ASAP1: variants seen among roughly 807,000 people sequenced by gnomAD.
ASAP1 encodes arf-GAP with SH3 domain, ANK repeat and PH domain-containing protein 1.
In ASAP1, 43 loss-of-function variants were observed where a neutral mutation model predicts 145.2. That is an observed-to-expected ratio of 0.30 (90% CI 0.23 to 0.38). The LOEUF is 0.38. ASAP1 is among the 10% of genes least tolerant of loss of function. The pLI is 1.00. For missense variants in ASAP1, 1,018 were observed against 1,355.3 expected (o/e 0.75, Z 3.91); for synonymous variants, 546 against 515.5 (o/e 1.06, Z -0.80).
At chr8:130,253,895 C>T (rs1309923836) in intron 3 of ASAP1, among the ~76,000 whole-genome samples, 1 of 152,074 alleles carries the variant, frequency 6.6e-6, no homozygotes, top group Non-Finnish European at 1.5e-5. Context: ...GCGGTGGGAG[C>T]CTGTAATCCC....
intron 22 of ASAP1, among the ~76,000 whole-genome samples, chr8:130,116,299 A>C (rs75588039): frequency 0.027 from 4,165 of 152,328 alleles, 71 homozygotes; most frequent in African/African-American, 0.044. Flanking sequence ...ACAGTGTGTT[A>C]ACATTTTGAA....
intron 29 of ASAP1, among the ~76,000 whole-genome samples, 174 bp from the exon 30 acceptor site, chr8:130,054,979 A>G (rs1052309103): frequency 2.6e-5 from 4 of 152,278 alleles, no homozygotes; most frequent in African/African-American, 7.2e-5. Flanking sequence ...CATAAACTAC[A>G]TAAGGAAAGA....
In ASAP1 at chr8:130,236,940, T is replaced by C. The variant is rs1266908101; in HGVS notation, c.241A>G (p.Ile81Val). 5 of 1,602,220 alleles carry C rather than the reference T, an allele frequency of 3.1e-6. No individual in the cohort carries two copies. The Admixed American group carries it at 5.0e-5, about 16-fold the overall frequency. The part of the protein sequence containing the change: ...LQKVKKSVKA[I>V]YNSGQDHVQN... ...TGCTTACCTTGACCAGAATTATATA[T>C]TGCTTTTACAGACTTCTTCACTTTC... Residue 81 changes from isoleucine to valine, a missense_variant, in exon 4 of 30, where the codon ATA becomes GTA. Ile to Val is a conservative substitution (Grantham distance 29). Around this residue, in one of 9 missense-constraint regions of ASAP1, gnomAD observed 106 missense variants for 134.5 expected, o/e 0.79. Transcript: ENST00000518721.
chr8:130,300,149 C>CAG (rs1248977728), intron 3 of ASAP1, among the ~76,000 whole-genome samples: 43 of 88,708 alleles, frequency 4.8e-4, no homozygotes, highest in Middle Eastern at 5.6e-3. Flanking sequence ...CACACACACA[C>CAG]ACACAGAGAG....
intron 3 of ASAP1, among the ~76,000 whole-genome samples, chr8:130,246,594 C>A (rs1818870400): frequency 6.6e-6 from 1 of 152,160 alleles, no homozygotes; most frequent in Admixed American, 6.6e-5. Flanking sequence ...TGCCTTCTGC[C>A]ATGACAGTAA....
chr8:130,061,194 C>A (rs2097418840), intron 27 of ASAP1, 125 bp from the exon 28 acceptor site: 1 of 1,203,992 alleles, frequency 8.3e-7, no homozygotes, highest in Admixed American at 2.7e-5. Context: ...AATGGATGAA[C>A]TCAGGGGCCA....
rs923039368 is a variant in ASAP1 at position 130,318,785 on chromosome 8, G to A, written c.186+39232C>T. 9.9e-5 allele frequency among the ~76,000 whole-genome samples: 15 copies of A among 152,198 alleles called. No homozygotes were observed. The East Asian group carries it at 1.9e-3, about 20-fold the overall frequency. ...ATATAGACTAGACACTTAAAAAAGC[G>A]TTTCCCCTCATCTCAGAAATAAGAC... On this transcript the variant is annotated intron_variant, in intron 3 of 29. Coordinates refer to ENST00000518721, the MANE Select transcript of ASAP1 (RefSeq NM_018482.4).
At chr8:130,206,689 G>A (rs1190923087) in intron 5 of ASAP1, among the ~76,000 whole-genome samples, 5 of 152,134 alleles carry the variant, frequency 3.3e-5, no homozygotes, top group Non-Finnish European at 4.4e-5. Flanking sequence ...GAATACTTCC[G>A]GGTGACTCCC....
At chr8:130,321,731 ATC>A (rs1455389953) in intron 3 of ASAP1, among the ~76,000 whole-genome samples, 1 of 152,176 alleles carries the variant, frequency 6.6e-6, no homozygotes, top group Non-Finnish European at 1.5e-5. Flanking sequence ...CCCACTCAAA[ATC>A]TCTGAGTAAA....
chr8:130,078,601 A>C (rs1432189943), intron 26 of ASAP1, among the ~76,000 whole-genome samples: 1 of 152,076 alleles, frequency 6.6e-6, no homozygotes, highest in Non-Finnish European at 1.5e-5. Flanking sequence ...ACCTTTTATG[A>C]GTGCTTTTGG....
At chr8:130,107,723 AT>A (rs2097539897) in intron 24 of ASAP1, among the ~76,000 whole-genome samples, 1 of 151,440 alleles carries the variant, frequency 6.6e-6, no homozygotes, top group Non-Finnish European at 1.5e-5. Flanking sequence ...AATTCTGTGT[AT>A]TTTTAGTAGA....
chr8:130,219,400 C>A (rs1817150608), intron 4 of ASAP1, among the ~76,000 whole-genome samples: 1 of 152,144 alleles, frequency 6.6e-6, no homozygotes, highest in African/African-American at 2.4e-5. Flanking sequence ...GGGAGGAACA[C>A]ACTGCAGAGT....
chr8:130,399,973 C>T (rs948025752), intron 2 of ASAP1, among the ~76,000 whole-genome samples: 1 of 152,118 alleles, frequency 6.6e-6, no homozygotes, highest in African/African-American at 2.4e-5. Flanking sequence ...GCATGTGCCA[C>T]CATGCCCAGC....
In ASAP1 at chr8:130,052,514, C is replaced by G. The variant is rs1199114241; in HGVS notation, c.*2217G>C. ...TTAAGATCAAGATCAGACTTAAACT[C>G]AACAAGATCACCAAAGGTATTTCTA... On this transcript the variant is annotated 3_prime_UTR_variant, in exon 30 of 30. Transcript: ENST00000518721. 6.6e-6 allele frequency: 1 copy of G among 152,166 alleles called. No individual in the cohort carries two copies. The highest frequency in any genetic ancestry group is 2.4e-5 in the African/African-American group (1 of 41,284). The allele number at this position is 152,166 out of a possible 1,614,324, so 9.4% of individuals were successfully genotyped here. A position where few individuals can be genotyped will look rare whatever the true frequency, so the allele number is the denominator to read the frequency against.
At chr8:130,131,029 C>T (rs895414511) in intron 15 of ASAP1, among the ~76,000 whole-genome samples, 1 of 152,120 alleles carries the variant, frequency 6.6e-6, no homozygotes, top group Non-Finnish European at 1.5e-5. Context: ...TGGTGGCACG[C>T]GCCTGTAGTT....
intron 4 of ASAP1, among the ~76,000 whole-genome samples, chr8:130,215,689 A>G (rs1265120456): frequency 1.3e-5 from 2 of 152,254 alleles, no homozygotes; most frequent in African/African-American, 4.8e-5. Context: ...GCTTGCAGTG[A>G]GCCGAGACCG....
intron 1 of ASAP1, among the ~76,000 whole-genome samples, chr8:130,438,248 T>C (rs1830383119): frequency 6.6e-6 from 1 of 152,172 alleles, no homozygotes. Flanking sequence ...CGCAGCAACG[T>C]GGCTACACAG....
chr8:130,121,551 G>A (rs1385432200), intron 18 of ASAP1, among the ~76,000 whole-genome samples: 2 of 152,050 alleles, frequency 1.3e-5, no homozygotes, highest in African/African-American at 4.8e-5. Context: ...GGAGGCCGAG[G>A]TGGGTGAATC....
intron 3 of ASAP1, among the ~76,000 whole-genome samples, chr8:130,321,646 T>G (rs576693663): frequency 9.8e-5 from 15 of 152,338 alleles, no homozygotes; most frequent in African/African-American, 3.4e-4. Flanking sequence ...TAGTTTGCAC[T>G]CCTTTGTATT....
Sources: allele counts gnomAD v4.1 joint callset (sites outside exome capture counted in the v4.1 genomes callset), GRCh38; gene constraint gnomAD v4.1.1; regional missense constraint gnomAD v4.1.1; transcripts MANE v1.5; gene names NCBI Gene and HGNC (gene_info 2026-07-23, HGNC 2026-07-21).